The following WWOX variants were observed in gnomAD, a reference collection of about 807,000 sequenced individuals.
WWOX encodes WW domain-containing oxidoreductase.
WWOX carries 69 observed loss-of-function variants against 46.2 expected under a neutral mutation model. That is an observed-to-expected ratio of 1.49 (90% CI 1.23 to 1.82). The LOEUF (loss-of-function observed/expected upper bound fraction) is 1.82. Ranked by LOEUF, WWOX falls within the 40% of genes most tolerant of loss-of-function variation. The pLI, the probability that WWOX is intolerant of heterozygous loss-of-function variation, is 0.00. For synonymous variants in WWOX, 359 were observed against 202.6 expected, an observed-to-expected ratio of 1.77 and a Z score of -6.56; for missense variants, 919 against 542.6, an observed-to-expected ratio of 1.69 and a Z score of -6.89.
At chr16:78,406,256 G>C (rs116293571) in intron 6 of WWOX, among the ~76,000 whole-genome samples, 1,885 of 138,168 alleles carry the variant, frequency 0.014, 51 homozygotes, top group African/African-American at 0.045. Context: ...AATTGATTTT[G>C]TGAGGATGAT....
intron 6 of WWOX, among the ~76,000 whole-genome samples, chr16:78,405,470 A>T (rs994077538): frequency 2.0e-5 from 3 of 152,200 alleles, no homozygotes; most frequent in Non-Finnish European, 4.4e-5. Flanking sequence ...GTCACTGGCC[A>T]CCCAAGCTGA....
At chr16:78,961,986 A>C (rs999551610) in intron 8 of WWOX, among the ~76,000 whole-genome samples, 1 of 152,130 alleles carries the variant, frequency 6.6e-6, no homozygotes, top group African/African-American at 2.4e-5. Flanking sequence ...CCTTAAACAG[A>C]TCCCTTGTCT....
intron 8 of WWOX, among the ~76,000 whole-genome samples, chr16:78,733,814 C>T (rs1334635567): frequency 6.6e-6 from 1 of 151,912 alleles, no homozygotes; most frequent in African/African-American, 2.4e-5. Context: ...GCCTGCCATC[C>T]CAGCACTTTG....
intron 8 of WWOX, among the ~76,000 whole-genome samples, chr16:78,537,315 C>G (rs996925203): frequency 1.3e-5 from 2 of 152,032 alleles, no homozygotes; most frequent in Non-Finnish European, 2.9e-5. Context: ...TTGAAATAAC[C>G]CAATGATACA....
chr16:78,422,659 A>C (rs1475025580), intron 6 of WWOX, among the ~76,000 whole-genome samples: 1 of 76,098 alleles, frequency 1.3e-5, no homozygotes, highest in East Asian at 3.0e-4. Flanking sequence ...TGTTTTTTTT[A>C]CATGTATATA....
At chr16:78,893,899 G>T (rs910386694) in intron 8 of WWOX, among the ~76,000 whole-genome samples, 2 of 152,038 alleles carry the variant, frequency 1.3e-5, no homozygotes, top group Non-Finnish European at 2.9e-5. Context: ...TGCATCTTTT[G>T]AGTTGATATG....
chr16:78,666,837 C>T (rs1230466076), intron 8 of WWOX, among the ~76,000 whole-genome samples: 1 of 152,162 alleles, frequency 6.6e-6, no homozygotes. Context: ...AATTTTCATG[C>T]CATGCAGCGT....
At chr16:78,934,952 T>G (rs1027244842) in intron 8 of WWOX, among the ~76,000 whole-genome samples, 15 of 151,894 alleles carry the variant, frequency 9.9e-5, no homozygotes, top group African/African-American at 3.6e-4. Context: ...ATACAAACAT[T>G]AGACACTTTT....
At chr16:78,335,843 C>T (rs1193105541) in intron 5 of WWOX, among the ~76,000 whole-genome samples, 1 of 152,076 alleles carries the variant, frequency 6.6e-6, no homozygotes. Context: ...TGTAATCCCA[C>T]CACTTTGTGA....
chr16:78,890,404 T>C (rs1490842672), intron 8 of WWOX: 1 of 140,784 alleles, frequency 7.1e-6, no homozygotes, highest in Non-Finnish European at 1.5e-5. Flanking sequence ...ATCCTCATGT[T>C]CTTAATGGAC....
chr16:78,866,438 A>AT (rs34191638), intron 8 of WWOX, among the ~76,000 whole-genome samples: 53,831 of 150,070 alleles, frequency 0.36, 10,122 homozygotes, highest in African/African-American at 0.49. Flanking sequence ...ATCCCGTGCT[A>AT]TTTTTTTTTT....
chr16:78,622,970 C>T (rs989261057), intron 8 of WWOX, among the ~76,000 whole-genome samples: 1 of 152,026 alleles, frequency 6.6e-6, no homozygotes. Flanking sequence ...CTTCTAGGAG[C>T]TGAGAGTGCC....
chr16:78,522,227 C>G (rs1485833728), intron 8 of WWOX, among the ~76,000 whole-genome samples: 1 of 150,290 alleles, frequency 6.7e-6, no homozygotes, highest in African/African-American at 2.5e-5. Context: ...AGGTTGTAGA[C>G]TCATGAAACC....
chr16:78,310,900 G>A (rs1471557115), intron 5 of WWOX, among the ~76,000 whole-genome samples: 1 of 152,210 alleles, frequency 6.6e-6, no homozygotes, highest in Non-Finnish European at 1.5e-5. Flanking sequence ...CACCCTTGTT[G>A]TCACGATGTA....
intron 8 of WWOX, among the ~76,000 whole-genome samples, chr16:78,670,917 G>A (rs1255201908): frequency 6.6e-6 from 1 of 151,924 alleles, no homozygotes; most frequent in African/African-American, 2.4e-5. Flanking sequence ...CCTTAGCAGA[G>A]ACAGAACAGA....
chr16:78,673,267 T>C (rs1248745751), intron 8 of WWOX, among the ~76,000 whole-genome samples: 1 of 152,186 alleles, frequency 6.6e-6, no homozygotes, highest in Non-Finnish European at 1.5e-5. Context: ...CACTGGAGAA[T>C]GGTGCAGAAT....
At chr16:78,155,413 T>C (rs1199550233) in intron 4 of WWOX, among the ~76,000 whole-genome samples, 1 of 152,170 alleles carries the variant, frequency 6.6e-6, no homozygotes, top group East Asian at 1.9e-4. Context: ...GATAAGTAGG[T>C]ATTTAAATTA....
intron 8 of WWOX, among the ~76,000 whole-genome samples, chr16:79,162,541 C>CT (rs1567590983): frequency 6.6e-6 from 1 of 152,178 alleles, no homozygotes. Flanking sequence ...TCAGTTACCT[C>CT]TAGCCCTGAA....
chr16:78,197,068 A>G (rs1411057387), intron 5 of WWOX, among the ~76,000 whole-genome samples: 3 of 152,208 alleles, frequency 2.0e-5, no homozygotes, highest in Admixed American at 6.5e-5. Flanking sequence ...GTTGAGAGCC[A>G]GCTCTGCACC....
Sources: gnomAD v4.1 joint callset for allele counts (sites outside exome capture counted in the v4.1 genomes callset) on GRCh38, gnomAD v4.1.1 for gene constraint, MANE v1.5 for transcripts, NCBI Gene and HGNC (gene_info 2026-07-23, HGNC 2026-07-21) for gene names.